MTREX: variants seen among roughly 807,000 people sequenced by gnomAD.
MTREX encodes Mtr4 exosome RNA helicase, also known as exosome RNA helicase MTR4.
A neutral mutation model predicts 135.4 loss-of-function variants in MTREX; 76 were observed. The ratio of observed to expected loss-of-function variants is 0.56; its 90% CI spans 0.47 to 0.68. The LOEUF (loss-of-function observed/expected upper bound fraction) is 0.68, where lower values mean the gene tolerates loss of function less well. Among genes scored for constraint, MTREX ranks in the 30% least tolerant of loss-of-function variants. MTREX has a pLI of 0.00. For missense variants in MTREX, 920 were observed against 1,262.1 expected (o/e 0.73, Z 4.11); for synonymous variants, 404 against 401.6 (o/e 1.01, Z -0.07).
At chr5:55,375,709 AG>A (rs531566519) in intron 16 of MTREX, among the ~76,000 whole-genome samples, 234 of 152,332 alleles carry the variant, frequency 1.5e-3, no homozygotes, top group African/African-American at 5.5e-3. Flanking sequence ...GGAAATCACA[AG>A]GGTATTGATT....
At chr5:55,400,880 A>G (rs149993271) in intron 21 of MTREX, among the ~76,000 whole-genome samples, 79 of 152,234 alleles carry the variant, frequency 5.2e-4, no homozygotes, top group African/African-American at 1.9e-3. Flanking sequence ...GGTTTTGCCT[A>G]TTCTGGATAT....
chr5:55,373,908 A>C (rs1579877714), intron 16 of MTREX, among the ~76,000 whole-genome samples: 1 of 151,622 alleles, frequency 6.6e-6, no homozygotes, highest in Non-Finnish European at 1.5e-5. Flanking sequence ...GGGAAGAAAA[A>C]CCCTCACATA....
At chr5:55,321,443 G>A (rs1749288496) in intron 1 of MTREX, among the ~76,000 whole-genome samples, 1 of 151,790 alleles carries the variant, frequency 6.6e-6, no homozygotes, top group African/African-American at 2.4e-5. Context: ...TTCTGTCCTG[G>A]TTAAGAAGTC....
chr5:55,333,386 G>A lies in MTREX; in HGVS notation c.515+4575G>A, dbSNP rs529127012. 2.6e-5 allele frequency among the ~76,000 whole-genome samples: 4 copies of A among 152,272 alleles called. No homozygotes were observed. The South Asian group carries it at 8.3e-4, about 32-fold the overall frequency. On this transcript the variant is annotated intron_variant, in intron 5 of 26. Coordinates refer to ENST00000230640, the MANE Select transcript of MTREX (RefSeq NM_015360.5). Reference sequence around the variant, plus strand: ...CTCCTAAGGCACAGGTATAGAAGAAGAGATTTGACTACTCTTAGTTCAATT... The same window carrying A: ...CTCCTAAGGCACAGGTATAGAAGAAAAGATTTGACTACTCTTAGTTCAATT...
At chr5:55,383,324 A>G (rs1750426696) in intron 18 of MTREX, among the ~76,000 whole-genome samples, 1 of 152,114 alleles carries the variant, frequency 6.6e-6, no homozygotes, top group Non-Finnish European at 1.5e-5. Context: ...TAGCCTGCAG[A>G]ACTTCTTTTT....
intron 19 of MTREX, among the ~76,000 whole-genome samples, chr5:55,393,345 C>T (rs1362263451): frequency 1.3e-5 from 2 of 152,166 alleles, no homozygotes; most frequent in Non-Finnish European, 2.9e-5. Context: ...CCTTACTCCA[C>T]CATTTTCACT....
At chr5:55,352,808 T>G (rs1579864669) in intron 13 of MTREX, among the ~76,000 whole-genome samples, 1 of 152,216 alleles carries the variant, frequency 6.6e-6, no homozygotes, top group African/African-American at 2.4e-5. Context: ...GAAGTGGTCC[T>G]CAAAATCACT....
At chr5:55,357,381 TG>T (rs1749936719) in intron 14 of MTREX, 1 of 152,820 alleles carries the variant, frequency 6.5e-6, no homozygotes, top group Non-Finnish European at 1.5e-5. Flanking sequence ...GCATATTGAC[TG>T]GCTGCTGGAA....
At chr5:55,369,390 C>G (rs1416363627) in intron 16 of MTREX, among the ~76,000 whole-genome samples, 1 of 152,174 alleles carries the variant, frequency 6.6e-6, no homozygotes, top group African/African-American at 2.4e-5. Flanking sequence ...AGCAGTTAGA[C>G]TGTTTTGGAG....
intron 25 of MTREX, among the ~76,000 whole-genome samples, chr5:55,420,117 G>C (rs927179952): frequency 6.6e-6 from 1 of 152,210 alleles, no homozygotes; most frequent in African/African-American, 2.4e-5. Context: ...TACAGTGTGA[G>C]CAATAGTCTC....
At chr5:55,324,273 GCAAA>G (rs1241238654) in intron 3 of MTREX, 75 bp downstream of exon 3, 3 of 1,034,824 alleles carry the variant, frequency 2.9e-6, no homozygotes, top group Middle Eastern at 2.0e-4. Context: ...ATGATGATCA[GCAAA>G]CAGTTTAGCC....
At chr5:55,344,654 T>A in intron 9 of MTREX, 34 bp downstream of exon 9, 1 of 1,204,328 alleles carries the variant, frequency 8.3e-7, no homozygotes, top group Non-Finnish European at 1.2e-6. Context: ...AAATCTATAA[T>A]GTCATACTTT....
intron 21 of MTREX, among the ~76,000 whole-genome samples, chr5:55,404,550 T>G (rs1481412537): frequency 6.6e-6 from 1 of 152,168 alleles, no homozygotes; most frequent in Non-Finnish European, 1.5e-5. Context: ...TCATTTTTCT[T>G]TCCCTGTTCT....
In MTREX at chr5:55,308,081, C is replaced by A. The variant is rs1579838100; in HGVS notation, c.68C>A (p.Thr23Asn). ...FEGDSTTAAG[T>N]KKDKEKDKGK... ...GGCGACTCGACCACTGCGGCGGGAA[C>A]CAAAAAAGACAAGGAAAAGGACAAG... Residue 23 changes from threonine (T) to asparagine (N), a missense_variant, in exon 1 of 27, where the codon ACC becomes AAC. By Grantham distance (65) the Thr-to-Asn change is moderately conservative. Coordinates refer to ENST00000230640, the MANE Select transcript of MTREX (RefSeq NM_015360.5). The A allele has an allele frequency of 6.2e-7, 1 of 1,613,134 alleles. No individual in the cohort carries two copies. Among genetic ancestry groups the A allele is most frequent in the Non-Finnish European group, 8.5e-7 (1 of 1,179,674 alleles).
At chr5:55,320,997 G>C (rs777707797) in intron 1 of MTREX, among the ~76,000 whole-genome samples, 1 of 152,102 alleles carries the variant, frequency 6.6e-6, no homozygotes, top group Non-Finnish European at 1.5e-5. Context: ...CCAGACATGA[G>C]AGATTTGGAA....
intron 1 of MTREX, among the ~76,000 whole-genome samples, chr5:55,317,742 G>A (rs951748530): frequency 1.3e-5 from 2 of 152,126 alleles, no homozygotes; most frequent in Non-Finnish European, 2.9e-5. Context: ...CAAGGACACC[G>A]AAAGCCATTG....
chr5:55,347,259 T>TA, intron 11 of MTREX, 115 bp downstream of exon 11: 1 of 1,002,046 alleles, frequency 1.0e-6, no homozygotes. Context: ...ACCTTACAGT[T>TA]ACAGCAGTAC....
At chr5:55,407,697 A>C (rs1014892754) in intron 22 of MTREX, among the ~76,000 whole-genome samples, 1 of 151,918 alleles carries the variant, frequency 6.6e-6, no homozygotes, top group African/African-American at 2.4e-5. Flanking sequence ...TGCCCTCCTG[A>C]TTATTCGTTG....
chr5:55,372,891 AATGTGT>A lies in MTREX; in HGVS notation c.1811-5422_1811-5417del, dbSNP rs1479103230. 9.6e-4 allele frequency among the ~76,000 whole-genome samples: 87 copies of A among 90,598 alleles called. No individual in the cohort carries two copies. The Middle Eastern group carries it at 0.017, about 18-fold the overall frequency. The allele number at this position is 90,598 out of a possible 152,430, so 59.4% of individuals were successfully genotyped here. A position where few individuals can be genotyped will look rare whatever the true frequency, so the allele number is the denominator to read the frequency against. ...GGATTTTACCAAAATTTAAAACTGT[AATGTGT>A]GTGTGTGTGTGTGTGTGTGTGTGTG... On this transcript the variant is annotated intron_variant, in intron 16 of 26. Transcript: ENST00000230640.
Sources: gnomAD v4.1 joint callset for allele counts (sites outside exome capture counted in the v4.1 genomes callset) on GRCh38, gnomAD v4.1.1 for gene constraint, MANE v1.5 for transcripts, NCBI Gene and HGNC (gene_info 2026-07-23, HGNC 2026-07-21) for gene names.